CTNND2: variants seen among roughly 807,000 people sequenced by gnomAD.
The protein encoded by CTNND2 is catenin delta 2.
A neutral mutation model predicts 144.4 loss-of-function variants in CTNND2; 22 were observed. That is an observed-to-expected ratio of 0.15 (90% CI 0.11 to 0.22). The LOEUF is 0.22. CTNND2 is among the 10% of genes least tolerant of loss of function. The pLI is 1.00. For missense variants in CTNND2, 1,353 were observed against 1,618.8 expected, an observed-to-expected ratio of 0.84 and a Z score of 2.82; for synonymous variants, 751 against 695.6, an observed-to-expected ratio of 1.08 and a Z score of -1.25.
chr5:11,133,541 A>G (rs577113720), intron 12 of CTNND2, among the ~76,000 whole-genome samples: 1 of 151,724 alleles, frequency 6.6e-6, no homozygotes, highest in East Asian at 1.9e-4. Context: ...TAGTAGTGAT[A>G]AGGTTTCTCC....
intron 16 of CTNND2, among the ~76,000 whole-genome samples, chr5:11,046,605 C>G (rs1745286908): frequency 6.6e-6 from 1 of 152,136 alleles, no homozygotes; most frequent in African/African-American, 2.4e-5. Context: ...CTTTATTTGA[C>G]AAATAATCAT....
chr5:11,188,147 C>T (rs932742413), intron 11 of CTNND2, among the ~76,000 whole-genome samples: 6 of 152,032 alleles, frequency 3.9e-5, no homozygotes, highest in Admixed American at 2.0e-4. Context: ...AAAAATACAT[C>T]CACATGTATG....
At chr5:11,288,227 A>G (rs1251344062) in intron 9 of CTNND2, among the ~76,000 whole-genome samples, 1 of 152,196 alleles carries the variant, frequency 6.6e-6, no homozygotes, top group Non-Finnish European at 1.5e-5. Context: ...TTCCAAAAGT[A>G]ACACAAACAT....
intron 1 of CTNND2, among the ~76,000 whole-genome samples, chr5:11,743,367 A>G (rs933222916): frequency 2.0e-5 from 3 of 152,320 alleles, no homozygotes; most frequent in Middle Eastern, 3.4e-3. Flanking sequence ...AAAAGCAGAA[A>G]TAGGATTCAG....
chr5:11,515,782 A>G (rs1389079907), intron 3 of CTNND2, among the ~76,000 whole-genome samples: 1 of 152,336 alleles, frequency 6.6e-6, no homozygotes, highest in East Asian at 1.9e-4. Context: ...AAAACATTAT[A>G]AAATCTATCA....
chr5:11,434,114 T>G (rs1381601171), intron 3 of CTNND2, among the ~76,000 whole-genome samples: 1 of 152,188 alleles, frequency 6.6e-6, no homozygotes, highest in African/African-American at 2.4e-5. Flanking sequence ...CTGTAGTATA[T>G]TTATACAATA....
At chr5:11,530,981 A>C (rs1239835935) in intron 3 of CTNND2, among the ~76,000 whole-genome samples, 1 of 152,218 alleles carries the variant, frequency 6.6e-6, no homozygotes, top group Non-Finnish European at 1.5e-5. Context: ...CTCTGCAGAC[A>C]ATACAACACA....
At chr5:11,652,230 C>T (rs1013690231) in intron 2 of CTNND2, among the ~76,000 whole-genome samples, 16 of 152,134 alleles carry the variant, frequency 1.1e-4, no homozygotes, top group African/African-American at 1.7e-4. Context: ...TGTTTAAAAG[C>T]GTGTAGCACC....
At chr5:11,415,819 A>C (rs1761892072) in intron 3 of CTNND2, among the ~76,000 whole-genome samples, 1 of 152,048 alleles carries the variant, frequency 6.6e-6, no homozygotes, top group African/African-American at 2.4e-5. Flanking sequence ...AAAGCGTATG[A>C]GAGGAAGTGA....
intron 21 of CTNND2, among the ~76,000 whole-genome samples, chr5:10,976,831 A>G (rs542413587): frequency 2.0e-5 from 3 of 152,366 alleles, no homozygotes; most frequent in Admixed American, 6.5e-5. Context: ...CAACTTTTCC[A>G]TGTCTCAGAG....
intron 9 of CTNND2, among the ~76,000 whole-genome samples, chr5:11,297,724 G>A (rs916180578): frequency 1.3e-5 from 2 of 152,238 alleles, no homozygotes; most frequent in Admixed American, 6.5e-5. Context: ...GGCAAAAAAG[G>A]TCAAGAACCT....
intron 2 of CTNND2, among the ~76,000 whole-genome samples, chr5:11,659,167 A>C (rs1783058377): frequency 6.6e-6 from 1 of 152,210 alleles, no homozygotes; most frequent in South Asian, 2.1e-4. Context: ...TAATACAAGT[A>C]AGAAACAATA....
chr5:11,860,677 G>C (rs888015706), intron 1 of CTNND2, among the ~76,000 whole-genome samples: 1 of 152,146 alleles, frequency 6.6e-6, no homozygotes, highest in African/African-American at 2.4e-5. Flanking sequence ...AACTAAACCA[G>C]GTAATTTAGG....
At chr5:11,411,000 T>C (rs1174884510) in intron 5 of CTNND2, among the ~76,000 whole-genome samples, 2 of 151,986 alleles carry the variant, frequency 1.3e-5, no homozygotes, top group Non-Finnish European at 2.9e-5. Context: ...GCCTCTTGAA[T>C]AGCTGGGACT....
chr5:10,999,620 C>T (rs757590902), intron 18 of CTNND2, among the ~76,000 whole-genome samples: 7 of 152,180 alleles, frequency 4.6e-5, no homozygotes, highest in Non-Finnish European at 8.8e-5. Context: ...CAGCTGAAGA[C>T]GCAGCTAAGC....
At chr5:11,506,310 T>C (rs1388711355) in intron 3 of CTNND2, among the ~76,000 whole-genome samples, 2 of 152,190 alleles carry the variant, frequency 1.3e-5, no homozygotes, top group African/African-American at 4.8e-5. Flanking sequence ...AGACGCTTTT[T>C]CTTACCTACA....
chr5:11,769,721 A>C (rs1005561794), intron 1 of CTNND2, among the ~76,000 whole-genome samples: 2 of 152,224 alleles, frequency 1.3e-5, no homozygotes, highest in Non-Finnish European at 2.9e-5. Context: ...CATAAAATAT[A>C]TGCCCCAGAA....
intron 3 of CTNND2, among the ~76,000 whole-genome samples, chr5:11,516,303 T>G (rs564001372): frequency 2.0e-5 from 3 of 151,698 alleles, no homozygotes; most frequent in South Asian, 4.2e-4. Context: ...CTACTCAACA[T>G]GGTAAAGGAA....
At chr5:11,530,176 C>T (rs1370325656) in intron 3 of CTNND2, among the ~76,000 whole-genome samples, 1 of 151,346 alleles carries the variant, frequency 6.6e-6, no homozygotes, top group African/African-American at 2.4e-5. Flanking sequence ...ACTGGGGAAG[C>T]AAAGATATGA....
Sources: gnomAD v4.1 joint callset for allele counts (sites outside exome capture counted in the v4.1 genomes callset) on GRCh38, gnomAD v4.1.1 for gene constraint, MANE v1.5 for transcripts, NCBI Gene and HGNC (gene_info 2026-07-23, HGNC 2026-07-21) for gene names.